Variants in IQGAP2 observed in about 807,000 individuals in gnomAD.
IQGAP2 encodes IQ motif containing GTPase activating protein 2, also known as ras GTPase-activating-like protein IQGAP2.
IQGAP2 carries 173 observed loss-of-function variants against 201.3 expected under a neutral mutation model. That is an observed-to-expected ratio of 0.86 (90% CI 0.76 to 0.98). The LOEUF (loss-of-function observed/expected upper bound fraction) is 0.98. Among genes scored for constraint, IQGAP2 ranks in the 50% least tolerant of loss-of-function variants. The probability of loss-of-function intolerance (pLI) is 0.00; values close to 1 mark genes in which losing one functional copy is unlikely to be tolerated. For synonymous variants in IQGAP2, 675 were observed against 673.9 expected, an observed-to-expected ratio of 1.00 and a Z score of -0.03; for missense variants, 1,687 against 1,864.8, an observed-to-expected ratio of 0.90 and a Z score of 1.76.
chr5:76,683,179 G>A lies in IQGAP2; in HGVS notation c.3725G>A (p.Gly1242Glu). 6.2e-7 allele frequency: 1 copy of A among 1,611,874 alleles called. No homozygotes were observed. The highest frequency in any genetic ancestry group is 8.5e-7 in the Non-Finnish European group (1 of 1,178,984). The stretch of plus-strand genomic sequence containing the variant: ...AATGACTTACTGAGTGAATTGCTGG[G>A]GTCGCTGGGAGAGGTGCCAACCGTG... ...EKNDLLSELL[G>E]SLGEVPTVES... The change falls in exon 29 of 36, where the codon GGG becomes GAG. Residue 1242 changes from glycine to glutamate, a missense_variant. Gly to Glu is a moderately conservative substitution (Grantham distance 98). Coordinates refer to ENST00000274364, the MANE Select transcript of IQGAP2 (RefSeq NM_006633.5).
chr5:76,452,133 TAA>T (rs35680480), intron 1 of IQGAP2, among the ~76,000 whole-genome samples: 24 of 142,896 alleles, frequency 1.7e-4, no homozygotes, highest in Non-Finnish European at 2.0e-4. Flanking sequence ...GTATAAGAAT[TAA>T]AAAAAAAAAA....
Position 76,658,495 on chromosome 5 carries a change from A to G in IQGAP2, c.2357A>G (p.Lys786Arg), listed in dbSNP as rs759083181. 6.2e-7 allele frequency: 1 copy of G among 1,613,902 alleles called. No homozygotes were observed. The highest frequency in any genetic ancestry group is 1.1e-5 in the South Asian group (1 of 90,996). Residue 786 changes from lysine (K) to arginine (R), a missense_variant, in exon 21 of 36, where the codon AAA (lysine) becomes AGA (arginine). Coordinates refer to ENST00000274364, the MANE Select transcript of IQGAP2 (RefSeq NM_006633.5). ...AACCCACCATTAACAGTAATTCGCA[A>G]ATTTGTATACCTGCTGGACCAAAGT... Reference protein sequence around the residue: ...SENPPLTVIRKFVYLLDQSDL... With the variant: ...SENPPLTVIRRFVYLLDQSDL...
chr5:76,611,080 T>G lies in IQGAP2; in HGVS notation c.1418T>G (p.Leu473Ter). ...AIDEGNPLRT[L>*]ETLLLPTANI... ...GATGAAGGGAATCCTTTGAGGACTT[T>G]AGAAACTTTGCTCCTACCTACTGCG... The change falls in exon 13 of 36, where the codon TTA becomes TGA. Residue 473 changes from leucine (L) to a stop codon, truncating the protein, a stop_gained. Coordinates refer to ENST00000274364, the MANE Select transcript of IQGAP2 (RefSeq NM_006633.5). LOFTEE classifies it high-confidence loss of function. The G allele has an allele frequency of 6.2e-7, 1 of 1,613,912 alleles. No individual in the cohort carries two copies.
At chr5:76,623,991 T>C (rs191895924) in intron 13 of IQGAP2, among the ~76,000 whole-genome samples, 4 of 139,760 alleles carry the variant, frequency 2.9e-5, no homozygotes, top group Non-Finnish European at 4.6e-5. Context: ...CAATAACCCT[T>C]AGGGTCAGAT....
intron 1 of IQGAP2, among the ~76,000 whole-genome samples, chr5:76,431,553 G>A (rs56032324): frequency 0.012 from 1,873 of 152,146 alleles, 34 homozygotes; most frequent in Admixed American, 0.037. Context: ...GGCCGGGCAC[G>A]GTGGCTCATG....
intron 2 of IQGAP2, among the ~76,000 whole-genome samples, chr5:76,464,423 T>C (rs1754662489): frequency 6.6e-6 from 1 of 152,176 alleles, no homozygotes; most frequent in Non-Finnish European, 1.5e-5. Context: ...ATGAATGGAG[T>C]TGACTTAGAA....
chr5:76,479,403 A>G (rs1340187881), intron 2 of IQGAP2, among the ~76,000 whole-genome samples: 1 of 152,014 alleles, frequency 6.6e-6, no homozygotes, highest in Non-Finnish European at 1.5e-5. Flanking sequence ...TAGCCTTTGA[A>G]TGATTTTCAT....
rs778273441 is a variant in IQGAP2, at chr5:76,570,616, G to A, written c.340G>A (p.Val114Ile). The A allele has an allele frequency of 4.8e-5, 77 of 1,613,520 alleles. No individual in the cohort carries two copies. The Admixed American group carries it at 7.3e-4, about 15-fold the overall frequency. The change falls in exon 4 of 36, where the codon GTC becomes ATC. Residue 114 changes from valine to isoleucine, a missense_variant. By Grantham distance (29) the Val-to-Ile change is conservative. Coordinates refer to ENST00000274364, the MANE Select transcript of IQGAP2 (RefSeq NM_006633.5). ...GLHFRHTDNT[V>I]QWLRAMESIG... The stretch of plus-strand genomic sequence containing the variant: ...TCATTTTCGACACACAGATAATACC[G>A]TCCAGTGGTTAAGAGCGATGGAGTC...
chr5:76,634,614 G>A (rs900274761), intron 15 of IQGAP2, among the ~76,000 whole-genome samples: 3 of 152,092 alleles, frequency 2.0e-5, no homozygotes, highest in African/African-American at 7.2e-5. Context: ...AGAAAGAAGA[G>A]CATCCCAAGC....
chr5:76,425,328 TC>T (rs1362171413), intron 1 of IQGAP2, among the ~76,000 whole-genome samples: 5 of 152,196 alleles, frequency 3.3e-5, no homozygotes, highest in Admixed American at 1.3e-4. Flanking sequence ...TTCTTCTCCA[TC>T]CTCTTTATTT....
At chr5:76,473,413 A>G (rs181228006) in intron 2 of IQGAP2, among the ~76,000 whole-genome samples, 26 of 152,150 alleles carry the variant, frequency 1.7e-4, no homozygotes, top group African/African-American at 6.3e-4. Context: ...TGTTCTGGGA[A>G]TAATTTATCT....
intron 2 of IQGAP2, among the ~76,000 whole-genome samples, chr5:76,552,747 T>C (rs1306116280): frequency 2.0e-5 from 3 of 152,192 alleles, no homozygotes; most frequent in African/African-American, 4.8e-5. Context: ...TCTTAGCATC[T>C]GAGACAACGT....
intron 2 of IQGAP2, among the ~76,000 whole-genome samples, chr5:76,526,482 T>A (rs1561438660): frequency 6.6e-6 from 1 of 152,224 alleles, no homozygotes; most frequent in Non-Finnish European, 1.5e-5. Context: ...AGAGAAAGCA[T>A]TATAAAATAT....
In IQGAP2 at chr5:76,523,126, C is replaced by T. The variant is rs1223735238; in HGVS notation, c.147-39270C>T. On this transcript the variant is annotated intron_variant, in intron 2 of 35. Transcript: ENST00000274364. ...GTGAGGCAAGGTCTCACTCTGCTGC[C>T]CAGGCTGGAATGCAGTGGTGTGATC... Among the ~76,000 whole-genome samples the T allele has an allele frequency of 3.4e-5, 5 of 146,946 alleles. No individual in the cohort carries two copies. The East Asian group carries it at 9.9e-4, about 29-fold the overall frequency.
At chr5:76,588,382 G>A (rs1012835188) in intron 5 of IQGAP2, among the ~76,000 whole-genome samples, 2 of 152,088 alleles carry the variant, frequency 1.3e-5, no homozygotes, top group African/African-American at 4.8e-5. Context: ...TTCCACTTGG[G>A]TAATATACAC....
intron 2 of IQGAP2, among the ~76,000 whole-genome samples, chr5:76,513,045 A>T: frequency 6.9e-6 from 1 of 144,614 alleles, no homozygotes. Context: ...ACAGAGTCAG[A>T]GTCTGTCTCA....
At chr5:76,413,943 G>C (rs1466402804) in intron 1 of IQGAP2, among the ~76,000 whole-genome samples, 3 of 152,122 alleles carry the variant, frequency 2.0e-5, no homozygotes, top group Non-Finnish European at 4.4e-5. Flanking sequence ...AAGTACACTT[G>C]GTACACTGGG....
chr5:76,440,323 A>G (rs1053468008), intron 1 of IQGAP2, among the ~76,000 whole-genome samples: 1 of 152,098 alleles, frequency 6.6e-6, no homozygotes, highest in Non-Finnish European at 1.5e-5. Context: ...CCAAGAGTTC[A>G]AGACTTAGCT....
At chr5:76,677,786 G>T (rs887381750) in intron 28 of IQGAP2, among the ~76,000 whole-genome samples, 1 of 152,000 alleles carries the variant, frequency 6.6e-6, no homozygotes, top group African/African-American at 2.4e-5. Flanking sequence ...TTAAAAACTA[G>T]CCGGGTTTGG....
Sources: gnomAD v4.1 joint callset for allele counts (sites outside exome capture counted in the v4.1 genomes callset) on GRCh38, gnomAD v4.1.1 for gene constraint, MANE v1.5 for transcripts, NCBI Gene and HGNC (gene_info 2026-07-23, HGNC 2026-07-21) for gene names.